Variants in HTR4 observed in about 807,000 individuals in gnomAD.
HTR4 encodes the protein 5-hydroxytryptamine (serotonin) receptor 4, G protein-coupled.
Under a neutral mutation model 36.8 loss-of-function variants are expected in HTR4, and 16 were observed. The ratio of observed to expected loss-of-function variants is 0.43; its 90% CI spans 0.29 to 0.66. HTR4 has a LOEUF of 0.66. Ranked by LOEUF, HTR4 falls within the 30% of genes least tolerant of loss-of-function variation. The pLI is 0.13. For missense variants in HTR4, 438 were observed against 490.9 expected (o/e 0.89, Z 1.02); for synonymous variants, 189 against 185.1 (o/e 1.02, Z -0.17).
chr5:148,474,125 C>G (rs1248575107), downstream of HTR4, among the ~76,000 whole-genome samples: 1 of 152,152 alleles, frequency 6.6e-6, no homozygotes, highest in Non-Finnish European at 1.5e-5. Flanking sequence ...ACTGCCCACT[C>G]TCTAGCTGGC....
chr5:148,573,808 G>A lies in HTR4; in HGVS notation c.27-23546C>T, dbSNP rs148096256. Among the ~76,000 whole-genome samples, 420 of 151,812 alleles carry A rather than the reference G, an allele frequency of 2.8e-3. 3 individuals carry two copies. The highest frequency in any genetic ancestry group is 5.2e-3 in the Admixed American group (79 of 15,208). On this transcript the variant is annotated intron_variant, in intron 2 of 6. Transcript: ENST00000377888. ...GTGAGCTCCCTAACACCAGAGTGTT[G>A]CAAGCAAAAGTTAAAGGAGTGCAGG... is the stretch of plus-strand genomic sequence containing the variant.
chr5:148,616,294 CA>C (rs1752686569), intron 2 of HTR4, among the ~76,000 whole-genome samples: 1 of 152,138 alleles, frequency 6.6e-6, no homozygotes, highest in Non-Finnish European at 1.5e-5. Flanking sequence ...GGAAATTTGA[CA>C]CAGTGTGTTA....
chr5:148,624,053 G>C lies in HTR4; in HGVS notation c.26+12936C>G, dbSNP rs574714194. Reference sequence around the variant, plus strand: ...GACTCAGTGACCTAAGGTACGGTCAGCTTTAGCACAGCACCTGGAACAAAG... The same window carrying C: ...GACTCAGTGACCTAAGGTACGGTCACCTTTAGCACAGCACCTGGAACAAAG... On this transcript the variant is annotated intron_variant, in intron 2 of 6. Coordinates refer to ENST00000377888, the MANE Select transcript of HTR4 (RefSeq NM_000870.7). Among the ~76,000 whole-genome samples, 16 of 152,314 alleles carry C rather than the reference G, an allele frequency of 1.1e-4. 1 individual carries two copies. The highest frequency in any genetic ancestry group is 7.8e-4 in the Admixed American group (12 of 15,302).
downstream of HTR4, among the ~76,000 whole-genome samples, chr5:148,476,364 A>G (rs1755694225): frequency 1.3e-5 from 2 of 152,246 alleles, no homozygotes; most frequent in African/African-American, 2.4e-5. Context: ...AATAGACAGG[A>G]CCAAAAGAGA....
intron 5 of HTR4, among the ~76,000 whole-genome samples, chr5:148,454,926 G>T (rs903121280): frequency 1.3e-5 from 2 of 152,134 alleles, no homozygotes; most frequent in Admixed American, 6.5e-5. Flanking sequence ...AAGGGCTCAG[G>T]ACCAAACAGC....
chr5:148,541,962 T>A (rs17777298), intron 4 of HTR4, among the ~76,000 whole-genome samples: 37,322 of 152,040 alleles, frequency 0.25, 5,582 homozygotes, highest in Non-Finnish European at 0.34. Flanking sequence ...AATAGCTTTT[T>A]TTTTTTCCTT....
At chr5:148,552,128 A>G (rs1759725566) in intron 2 of HTR4, among the ~76,000 whole-genome samples, 1 of 152,224 alleles carries the variant, frequency 6.6e-6, no homozygotes, top group Non-Finnish European at 1.5e-5. Flanking sequence ...ACTTCTGTTA[A>G]GCTGGCACAG....
At chr5:148,609,788 A>G (rs1272322727) in intron 2 of HTR4, among the ~76,000 whole-genome samples, 1 of 151,918 alleles carries the variant, frequency 6.6e-6, no homozygotes, top group Non-Finnish European at 1.5e-5. Context: ...GGATGTTCGC[A>G]ATCTCCTGAA....
intron 5 of HTR4, among the ~76,000 whole-genome samples, chr5:148,520,144 G>A (rs1757944450): frequency 6.6e-6 from 1 of 152,102 alleles, no homozygotes; most frequent in Non-Finnish European, 1.5e-5. Flanking sequence ...TTCAGTGTTT[G>A]CAATGACTTT....
downstream of HTR4, chr5:148,481,352 A>C: frequency 3.5e-6 from 2 of 574,560 alleles, no homozygotes; most frequent in South Asian, 5.0e-5. Flanking sequence ...ATGTGACAAG[A>C]ATGGTTCCCT....
chr5:148,617,172 T>C (rs1752729405), intron 2 of HTR4, among the ~76,000 whole-genome samples: 1 of 152,232 alleles, frequency 6.6e-6, no homozygotes, highest in South Asian at 2.1e-4. Context: ...TGTGCTGTTC[T>C]CACAATAGTG....
At chr5:148,493,895 T>A (rs1399104965) in intron 6 of HTR4, among the ~76,000 whole-genome samples, 5 of 152,208 alleles carry the variant, frequency 3.3e-5, no homozygotes, top group Non-Finnish European at 7.3e-5. Context: ...AAACGTTGAA[T>A]ACAATTGTAA....
chr5:148,521,383 T>G (rs750282851), intron 5 of HTR4, among the ~76,000 whole-genome samples: 1 of 152,090 alleles, frequency 6.6e-6, no homozygotes, highest in Non-Finnish European at 1.5e-5. Context: ...CCAATGCAGG[T>G]GAACCTCATG....
intron 6 of HTR4, among the ~76,000 whole-genome samples, chr5:148,508,506 T>C (rs779107739): frequency 2.6e-4 from 40 of 152,110 alleles, no homozygotes; most frequent in Non-Finnish European, 3.7e-4. Context: ...CTGTCGGTAT[T>C]CTCTTATATT....
In HTR4 at chr5:148,623,117, A is replaced by C. The variant is rs536192607; in HGVS notation, c.26+13872T>G. ...AAACAGGGAAGACAAGGCAAGTAGA[A>C]TGCAATACAGGAGAGGAAGAGGAGG... On this transcript the variant is annotated intron_variant, in intron 2 of 6. Coordinates refer to ENST00000377888, the MANE Select transcript of HTR4 (RefSeq NM_000870.7). Among the ~76,000 whole-genome samples, 10 of 152,320 alleles carry C rather than the reference A, an allele frequency of 6.6e-5. No homozygotes were observed. The South Asian group carries it at 2.1e-3, about 32-fold the overall frequency.
At chr5:148,590,287 CTTTTTTTTTTTTTT>C (rs779077579) in intron 2 of HTR4, among the ~76,000 whole-genome samples, 3 of 33,320 alleles carry the variant, frequency 9.0e-5, no homozygotes, top group Non-Finnish European at 1.6e-4. Flanking sequence ...TTTTTCTTTT[CTTTTTTTTTTTTTT>C]TTTTTTTTTT....
intron 2 of HTR4, among the ~76,000 whole-genome samples, chr5:148,592,762 A>T (rs1761622928): frequency 1.3e-5 from 2 of 152,102 alleles, no homozygotes; most frequent in Admixed American, 1.3e-4. Flanking sequence ...TACGAAATAT[A>T]AACTAATTTA....
At chr5:148,522,190 C>A (rs1758052978) in intron 5 of HTR4, among the ~76,000 whole-genome samples, 1 of 152,140 alleles carries the variant, frequency 6.6e-6, no homozygotes, top group Non-Finnish European at 1.5e-5. Flanking sequence ...CCTCCCCAGG[C>A]ATGTGGAACT....
intron 2 of HTR4, among the ~76,000 whole-genome samples, chr5:148,577,270 C>T (rs960996214): frequency 3.9e-5 from 6 of 152,056 alleles, no homozygotes; most frequent in African/African-American, 1.4e-4. Context: ...CAATGATATA[C>T]TATCTCACAT....
Sources: allele counts gnomAD v4.1 joint callset (sites outside exome capture counted in the v4.1 genomes callset), GRCh38; gene constraint gnomAD v4.1.1; transcripts MANE v1.5; gene names NCBI Gene and HGNC (gene_info 2026-07-23, HGNC 2026-07-21).